Variants in ITIH1 observed in about 807,000 individuals in gnomAD.
ITIH1 encodes the protein inter-alpha-trypsin inhibitor heavy chain 1.
In ITIH1, 94 loss-of-function variants were observed where a neutral mutation model predicts 104.6. The observed-to-expected ratio is 0.90, with a 90% confidence interval of 0.76 to 1.07. The LOEUF is 1.07. Ranked by LOEUF, ITIH1 falls within the 50% of genes least tolerant of loss-of-function variation. The probability of loss-of-function intolerance (pLI) is 0.00; values close to 1 mark genes in which losing one functional copy is unlikely to be tolerated. For missense variants in ITIH1, 1,193 were observed against 1,181.4 expected (o/e 1.01, Z -0.14); for synonymous variants, 455 against 464.4 (o/e 0.98, Z 0.26).
At position 52,781,936 on chromosome 3, in the gene ITIH1, C is replaced by A. The variant is rs370315736; in HGVS notation, c.688-4C>A. On this transcript the variant is annotated splice_polypyrimidine_tract_variant and splice_region_variant and intron_variant, in intron 6 of 21. Transcript: ENST00000273283. The stretch of plus-strand genomic sequence containing the variant: ...GTAATGGCTCACACTCTCGACGGTT[C>A]CAGGGTCATGTGCTGTTCCGTCCCA... The A allele has an allele frequency of 2.8e-5, 46 of 1,614,118 alleles. No individual in the cohort carries two copies. In the African/African-American group the frequency reaches 5.5e-4, roughly 19 times the overall value.
chr3:52,788,269 G>A lies in ITIH1; in HGVS notation c.2043G>A (p.Gln681=). ...CTCACTTCATCATCCACGTGCCCCA[G>A]AAAGAGGACACCCTGTGCTTCAACA... ...TDPHFIIHVP[Q]KEDTLCFNIN... is the part of the protein sequence containing the mutation. The change falls in exon 18 of 22, where the codon CAG becomes CAA. Residue 681 remains glutamine (Q), a synonymous_variant. Coordinates refer to ENST00000273283, the MANE Select transcript of ITIH1 (RefSeq NM_002215.4). 1.2e-6 allele frequency: 2 copies of A among 1,612,302 alleles called. No homozygotes were observed. The highest frequency in any genetic ancestry group is 1.1e-5 in the South Asian group (1 of 90,480).
In ITIH1 at chr3:52,781,266, TTCTTCTTCTTCTTCTTCTTCC is replaced by T. The variant is rs1699046166; in HGVS notation, c.688-658_688-638del. Among the ~76,000 whole-genome samples the T allele has an allele frequency of 7.5e-5, 10 of 132,616 alleles. No individual in the cohort carries two copies. In the South Asian group the frequency reaches 1.9e-3, roughly 26 times the overall value. The allele number at this position is 132,616 out of a possible 152,430, so 87.0% of individuals were successfully genotyped here. A position where few individuals can be genotyped will look rare whatever the true frequency, so the allele number is the denominator to read the frequency against. On this transcript the variant is annotated intron_variant, in intron 6 of 21. Transcript: ENST00000273283. ...CTTCTTCTTCTTCTTCTTCTTCTTCTTCTTCTTCTTCTTCTTCTTCCTCTTCTTCTTCTTCTGCTTCTTCTT... is the reference window on the plus strand; with the variant it reads ...CTTCTTCTTCTTCTTCTTCTTCTTCTTCTTCTTCTTCTTCTGCTTCTTCTT...
chr3:52,791,953 A>G lies in ITIH1; in HGVS notation c.*42A>G, dbSNP rs377538719. The stretch of plus-strand genomic sequence containing the variant: ...GCCTGTCCTCCCCCGGGGCCAAGGC[A>G]GAGGAGGAGGACGACATCCTGACCT... On this transcript the variant is annotated 3_prime_UTR_variant, in exon 22 of 22. Coordinates refer to ENST00000273283, the MANE Select transcript of ITIH1 (RefSeq NM_002215.4). 4 of 1,581,448 alleles carry G rather than the reference A, an allele frequency of 2.5e-6. No individual in the cohort carries two copies. In the African/African-American group the frequency reaches 4.0e-5, roughly 16 times the overall value.
rs775716266 is a variant in ITIH1, at chr3:52,788,076, T to G, written c.2005+10T>G. The G allele has an allele frequency of 3.1e-6, 5 of 1,593,400 alleles. No homozygotes were observed. Among genetic ancestry groups the G allele is most frequent in the Middle Eastern group, 3.4e-4 (2 of 5,946 alleles). On this transcript the variant is annotated intron_variant, in intron 17 of 21. Coordinates refer to ENST00000273283, the MANE Select transcript of ITIH1 (RefSeq NM_002215.4). ...GACCGAGTGACCGGCGGTGAGTCCT[T>G]GGAAGGGTCTGAGGGACACCCCTGT... is the stretch of plus-strand genomic sequence containing the variant.
chr3:52,778,531 C>A (rs752882910), intron 3 of ITIH1, 25 bp downstream of exon 3: 2 of 1,612,962 alleles, frequency 1.2e-6, no homozygotes, highest in East Asian at 2.2e-5. Context: ...AACTCCCATG[C>A]CTTCTCCCAG....
intron 18 of ITIH1, 27 bp from the exon 19 acceptor site, chr3:52,789,625 AC>A (rs761919791): frequency 1.9e-6 from 3 of 1,609,514 alleles, no homozygotes; most frequent in Non-Finnish European, 2.6e-6. Context: ...CCCCTTCCCA[AC>A]CCGGATGCCC....
intron 19 of ITIH1, 107 bp downstream of exon 19, chr3:52,789,961 C>A: frequency 8.8e-7 from 1 of 1,140,066 alleles, no homozygotes; most frequent in Admixed American, 1.9e-5. Flanking sequence ...GTGGGTGACA[C>A]CCATGTGGCC....
In ITIH1 at chr3:52,782,965, G is replaced by T. The variant is rs1432447350; in HGVS notation, c.939G>T (p.Glu313Asp). 1 of 1,613,996 alleles carries T rather than the reference G, an allele frequency of 6.2e-7. No individual in the cohort carries two copies. Among genetic ancestry groups the T allele is most frequent in the Admixed American group, 1.7e-5 (1 of 60,010 alleles). Residue 313 changes from glutamate (E) to aspartate (D), a missense_variant, in exon 9 of 22, where the codon GAG (glutamate) becomes GAT (aspartate). By Grantham distance (45) the Glu-to-Asp change is conservative. Coordinates refer to ENST00000273283, the MANE Select transcript of ITIH1 (RefSeq NM_002215.4). ...MRGQKVKQTKEALLKILGDMQ... is the reference protein window; with the variant it reads ...MRGQKVKQTKDALLKILGDMQ... ...CTGTTCTGTCCTTGCAGACCAAGGA[G>T]GCACTCCTTAAAATTCTGGGGGACA...
At position 52,788,063 on chromosome 3, in the gene ITIH1, G is replaced by C; in HGVS notation, c.2002G>C (p.Gly668Arg). The C allele has an allele frequency of 6.2e-7, 1 of 1,602,888 alleles. No homozygotes were observed. Among genetic ancestry groups the C allele is most frequent in the East Asian group, 2.2e-5 (1 of 44,832 alleles). ...NTQRLPDRVT[G>R]VDTDPHFIIH... ...CCAGCGGCTGCCAGACCGAGTGACC[G>C]GCGGTGAGTCCTTGGAAGGGTCTGA... is the stretch of plus-strand genomic sequence containing the variant. Residue 668 changes from glycine to arginine, a missense_variant, in exon 17 of 22, where the codon GGC becomes CGC. Physicochemically the swap from Gly to Arg is moderately radical, Grantham distance 125 (BLOSUM62 -2). Coordinates refer to ENST00000273283, the MANE Select transcript of ITIH1 (RefSeq NM_002215.4).
chr3:52,779,604 A>G lies in ITIH1; in HGVS notation c.573+10A>G. 1 of 1,614,076 alleles carries G rather than the reference A, an allele frequency of 6.2e-7. No homozygotes were observed. Among genetic ancestry groups the G allele is most frequent in the Non-Finnish European group, 8.5e-7 (1 of 1,179,966 alleles). ...GGTGCATCATTTTGAGGTAGATCAC[A>G]GGTCCCGGGGCAGGGGTCCTGCCCC... On this transcript the variant is annotated intron_variant, in intron 5 of 21. Coordinates refer to ENST00000273283, the MANE Select transcript of ITIH1 (RefSeq NM_002215.4). This position sits in a 1 kb window ranked among gnomAD's most constrained non-coding sequence, Gnocchi z 4.4.
Position 52,790,760 on chromosome 3 carries a change from C to T in ITIH1, c.2333C>T (p.Thr778Ile). Residue 778 changes from threonine (T) to isoleucine (I), a missense_variant, in exon 20 of 22, where the codon ACC (threonine) becomes ATC (isoleucine). Transcript: ENST00000273283. The stretch of plus-strand genomic sequence containing the variant: ...ACCTGGCTCTGCAGGGTGGTGGTGA[C>T]CATCAACAAGAAGAGGAACCTGGTG... ...AVLRQDGVVV[T>I]INKKRNLVVS... is the part of the protein sequence containing the mutation. The T allele has an allele frequency of 6.2e-7, 1 of 1,612,304 alleles. No homozygotes were observed. The highest frequency in any genetic ancestry group is 1.1e-5 in the South Asian group (1 of 90,736).
At chr3:52,789,561 G>A (rs2154108777) in intron 18 of ITIH1, 92 bp from the exon 19 acceptor site, 4 of 1,118,914 alleles carry the variant, frequency 3.6e-6, no homozygotes, top group East Asian at 2.4e-5. Context: ...CACAGGCAGG[G>A]CGTAGAGGCC....
rs374752378 is a variant in ITIH1 at position 52,791,942 on chromosome 3, G to A, written c.*31G>A. On this transcript the variant is annotated 3_prime_UTR_variant, in exon 22 of 22. Coordinates refer to ENST00000273283, the MANE Select transcript of ITIH1 (RefSeq NM_002215.4). ...CTGGCCAGCACGCCTGTCCTCCCCC[G>A]GGGCCAAGGCAGAGGAGGAGGACGA... The A allele has an allele frequency of 1.3e-5, 20 of 1,595,640 alleles. No individual in the cohort carries two copies. The highest frequency in any genetic ancestry group is 2.7e-5 in the African/African-American group (2 of 74,476).
At position 52,779,848 on chromosome 3, in the gene ITIH1, C is replaced by G. The variant is rs1346087824; in HGVS notation, c.573+254C>G. 5 of 1,346,788 alleles carry G rather than the reference C, an allele frequency of 3.7e-6. No homozygotes were observed. The East Asian group carries it at 1.3e-4, about 36-fold the overall frequency. 83.4% of individuals were successfully genotyped at this position (1,346,788 alleles called of 1,614,324 possible). A position where few individuals can be genotyped will look rare whatever the true frequency, so the allele number is the denominator to read the frequency against. The stretch of plus-strand genomic sequence containing the variant: ...GTTTCTGTGAGTCCCAGGACCGCCA[C>G]AGGGATCACGAGAAGTACTGAATGT... On this transcript the variant is annotated intron_variant, in intron 5 of 21. Transcript: ENST00000273283. This position sits in a 1 kb window ranked among gnomAD's most constrained non-coding sequence, Gnocchi z 4.4.
chr3:52,786,238 C>A lies in ITIH1; in HGVS notation c.1594-57C>A, dbSNP rs570962205. On this transcript the variant is annotated intron_variant, in intron 12 of 21. Coordinates refer to ENST00000273283, the MANE Select transcript of ITIH1 (RefSeq NM_002215.4). ...ATGGGCCCCTCAGAGCCCCTAGCAC[C>A]AGCCAGGGGCCGTGCTTATCATGGT... is the stretch of plus-strand genomic sequence containing the variant. 3.0e-5 allele frequency: 46 copies of A among 1,528,828 alleles called. No individual in the cohort carries two copies. In the African/African-American group the frequency reaches 6.0e-4, roughly 20 times the overall value. 94.7% of individuals were successfully genotyped at this position (1,528,828 alleles called of 1,614,324 possible). A position where few individuals can be genotyped will look rare whatever the true frequency, so the allele number is the denominator to read the frequency against.
At chr3:52,780,142 A>G (rs2154108190) in intron 5 of ITIH1, 127 bp from the exon 6 acceptor site, 2 of 941,798 alleles carry the variant, frequency 2.1e-6, no homozygotes, top group Non-Finnish European at 3.2e-6. Flanking sequence ...GTGTGAGCCT[A>G]TAATCCCAGC....
chr3:52,778,585 GGCCAGATAAC>G, intron 3 of ITIH1, 79 bp downstream of exon 3: 1 of 1,587,924 alleles, frequency 6.3e-7, no homozygotes, highest in East Asian at 2.2e-5. Context: ...GGATCGGAGT[GGCCAGATAAC>G]GCAGAGCATC....
chr3:52,782,294 C>G (rs1699079478), intron 8 of ITIH1, 27 bp downstream of exon 8: 1 of 1,555,762 alleles, frequency 6.4e-7, no homozygotes, highest in South Asian at 1.1e-5. Flanking sequence ...AACAGCTCAC[C>G]CAGCAGAAGC....
At chr3:52,778,810 T>C (rs558049210) in intron 3 of ITIH1, 132 bp from the exon 4 acceptor site, 632 of 1,035,740 alleles carry the variant, frequency 6.1e-4, no homozygotes, top group Non-Finnish European at 8.2e-4. Flanking sequence ...CATGGACCCC[T>C]GAGTTCCACC....
Sources: gnomAD v4.1 joint callset for allele counts (sites outside exome capture counted in the v4.1 genomes callset) on GRCh38, gnomAD v4.1.1 for gene constraint, Gnocchi (gnomAD v3.1) non-coding constraint, MANE v1.5 for transcripts, NCBI Gene and HGNC (gene_info 2026-07-23, HGNC 2026-07-21) for gene names.